GDAP2: variants seen among roughly 807,000 people sequenced by gnomAD.
The protein encoded by GDAP2 is ganglioside induced differentiation associated protein 2.
A neutral mutation model predicts 67.0 loss-of-function variants in GDAP2; 51 were observed. That is an observed-to-expected ratio of 0.76 (90% CI 0.61 to 0.96). GDAP2 has a LOEUF of 0.96. Ranked by LOEUF, GDAP2 falls within the 40% of genes least tolerant of loss-of-function variation. The pLI, the probability that GDAP2 is intolerant of heterozygous loss-of-function variation, is 0.00. For synonymous variants in GDAP2, 203 were observed against 207.3 expected, an observed-to-expected ratio of 0.98 and a Z score of 0.18; for missense variants, 547 against 588.3, an observed-to-expected ratio of 0.93 and a Z score of 0.73.
chr1:117,912,526 A>G lies in GDAP2; in HGVS notation c.470+4T>C, dbSNP rs1649893364. The G allele has an allele frequency of 2.5e-6, 4 of 1,612,000 alleles. No individual in the cohort carries two copies. In the East Asian group the frequency reaches 6.7e-5, roughly 27 times the overall value. ...GCTATGTCCAGAAAATGAGTAGACC[A>G]TACTTTGCTAGTTGAAGTACGTTTC... On this transcript the variant is annotated splice_donor_region_variant and intron_variant, in intron 4 of 13. Transcript: ENST00000369443.
In GDAP2 at chr1:117,878,096, G is replaced by A. The variant is rs745930587; in HGVS notation, c.1359C>T (p.His453=). ...ACAGCTGGTGGAGGCTGTCCACATG[G>A]TGGATTTTGTCCTTCAGTCCTGAGA... ...FSVSGLKDKI[H]HVDSLHQLFS... is the part of the protein sequence containing the mutation. Residue 453 remains histidine, a synonymous_variant, in exon 13 of 14, where the codon CAC becomes CAT. Transcript: ENST00000369443. The A allele has an allele frequency of 1.9e-6, 3 of 1,612,356 alleles. No individual in the cohort carries two copies. Among genetic ancestry groups the A allele is most frequent in the African/African-American group, 2.7e-5 (2 of 74,894 alleles).
chr1:117,864,339 A>G lies in GDAP2; in HGVS notation c.*6230T>C, dbSNP rs1647991682. Reference sequence around the variant, plus strand: ...GAACAGAGGCTGTTTTAATAGGGGAATGATGGATTCAGGCTAGATGAGGAC... The same window carrying G: ...GAACAGAGGCTGTTTTAATAGGGGAGTGATGGATTCAGGCTAGATGAGGAC... On this transcript the variant is annotated 3_prime_UTR_variant, in exon 14 of 14. Transcript: ENST00000369443. 6.6e-6 allele frequency: 1 copy of G among 152,214 alleles called. No individual in the cohort carries two copies. The highest frequency in any genetic ancestry group is 2.4e-5 in the African/African-American group (1 of 41,446). The allele number at this position is 152,214 out of a possible 1,614,324, so 9.4% of individuals were successfully genotyped here.
chr1:117,927,002 T>TA (rs11406734), intron 1 of GDAP2, among the ~76,000 whole-genome samples: 70,366 of 147,520 alleles, frequency 0.48, 16,579 homozygotes, highest in South Asian at 0.52. Context: ...AAGCCCTAGT[T>TA]AAAAAAAAAA....
intron 13 of GDAP2, among the ~76,000 whole-genome samples, chr1:117,872,045 C>T (rs1405130945): frequency 6.6e-6 from 1 of 152,012 alleles, no homozygotes; most frequent in African/African-American, 2.4e-5. Flanking sequence ...ACAGACACTT[C>T]TCAAAAAAAG....
intron 12 of GDAP2, among the ~76,000 whole-genome samples, chr1:117,878,651 A>G (rs1442190074): frequency 6.6e-6 from 1 of 152,212 alleles, no homozygotes; most frequent in East Asian, 1.9e-4. Context: ...TCTTTCTCGA[A>G]GTCCATCAAA....
At chr1:117,924,659 T>C (rs889322587) in intron 1 of GDAP2, among the ~76,000 whole-genome samples, 1 of 152,336 alleles carries the variant, frequency 6.6e-6, no homozygotes, top group African/African-American at 2.4e-5. Context: ...ATCATTTATA[T>C]AACAATTTCA....
In GDAP2 at chr1:117,899,064, A is replaced by C. The variant is rs1318429134; in HGVS notation, c.789T>G (p.Ala263=). Residue 263 remains alanine, a synonymous_variant, in exon 7 of 14, where the codon GCT becomes GCG. Transcript: ENST00000369443. ...RQIRISEKPG[A]PEDNQEEEDE... is the part of the protein sequence containing the mutation. ...TAGAGCTCTAGAACTCACCTTCTGG[A>C]GCACCAGGTTTCTCACTTATTCTAA... 1 of 1,613,228 alleles carries C rather than the reference A, an allele frequency of 6.2e-7. No homozygotes were observed. Among genetic ancestry groups the C allele is most frequent in the African/African-American group, 1.3e-5 (1 of 75,012 alleles).
chr1:117,880,351 G>C (rs1486379230), intron 12 of GDAP2, among the ~76,000 whole-genome samples: 3 of 152,172 alleles, frequency 2.0e-5, no homozygotes, highest in Non-Finnish European at 4.4e-5. Context: ...GCAGGTAACA[G>C]AGAGAGAGAA....
At chr1:117,895,152 T>G (rs1649224547) in intron 8 of GDAP2, among the ~76,000 whole-genome samples, 1 of 152,218 alleles carries the variant, frequency 6.6e-6, no homozygotes, top group African/African-American at 2.4e-5. Flanking sequence ...CAGTTTGAGA[T>G]TCTGCATTAC....
chr1:117,907,187 A>G (rs979605548), intron 5 of GDAP2, among the ~76,000 whole-genome samples: 10 of 152,166 alleles, frequency 6.6e-5, no homozygotes, highest in African/African-American at 2.4e-4. Flanking sequence ...TTCAGTTCTT[A>G]ACTCATTGGA....
intron 11 of GDAP2, 86 bp downstream of exon 11, chr1:117,883,402 A>C: frequency 1.0e-6 from 1 of 959,070 alleles, no homozygotes; most frequent in South Asian, 1.5e-5. Flanking sequence ...ATATCCTTTC[A>C]CAGAATACAA....
intron 3 of GDAP2, 126 bp downstream of exon 3, chr1:117,918,471 T>C (rs897657271): frequency 1.5e-6 from 1 of 664,356 alleles, no homozygotes; most frequent in Non-Finnish European, 2.6e-6. Context: ...GCAGTTTTTA[T>C]TTAGTTTTAA....
At chr1:117,904,521 T>C (rs1649591853) in intron 6 of GDAP2, among the ~76,000 whole-genome samples, 1 of 152,252 alleles carries the variant, frequency 6.6e-6, no homozygotes, top group Non-Finnish European at 1.5e-5. Context: ...CCTTTATTCA[T>C]AAATTATTCA....
At chr1:117,914,049 A>C (rs1295914104) in intron 3 of GDAP2, among the ~76,000 whole-genome samples, 1 of 152,146 alleles carries the variant, frequency 6.6e-6, no homozygotes, top group Non-Finnish European at 1.5e-5. Context: ...TGTTCTTCCT[A>C]AGCCATTCAG....
chr1:117,928,698 G>A (rs1490281681), intron 1 of GDAP2, among the ~76,000 whole-genome samples: 1 of 152,222 alleles, frequency 6.6e-6, no homozygotes, highest in Non-Finnish European at 1.5e-5. Context: ...ATCAGATAAT[G>A]TAGACAAAAG....
chr1:117,889,345 TTC>T (rs1383997399), intron 8 of GDAP2, among the ~76,000 whole-genome samples: 1 of 152,074 alleles, frequency 6.6e-6, no homozygotes, highest in East Asian at 1.9e-4. Context: ...TTAAAATGTA[TTC>T]TTTTATCAAT....
chr1:117,878,168 G>A lies in GDAP2; in HGVS notation c.1303-16C>T. 3 of 1,399,834 alleles carry A rather than the reference G, an allele frequency of 2.1e-6. No individual in the cohort carries two copies. Among genetic ancestry groups the A allele is most frequent in the African/African-American group, 1.4e-5 (1 of 69,306 alleles). The allele number at this position is 1,399,834 out of a possible 1,614,324, so 86.7% of individuals were successfully genotyped here. ...ATGTTGACACCTGATTAATAGAAGA[G>A]AAAAAATAATTTAAGCTAGTTGCCA... On this transcript the variant is annotated splice_polypyrimidine_tract_variant and intron_variant, in intron 12 of 13. Coordinates refer to ENST00000369443, the MANE Select transcript of GDAP2 (RefSeq NM_017686.4).
chr1:117,870,694 A>G, intron 13 of GDAP2, 78 bp from the exon 14 acceptor site: 1 of 968,206 alleles, frequency 1.0e-6, no homozygotes, highest in Non-Finnish European at 1.7e-6. Flanking sequence ...AGGGATTTAC[A>G]GTCATTGAGG....
chr1:117,897,247 A>T (rs569814999), intron 7 of GDAP2, among the ~76,000 whole-genome samples: 1 of 152,358 alleles, frequency 6.6e-6, no homozygotes, highest in East Asian at 1.9e-4. Flanking sequence ...TAGGAAGAAA[A>T]GAGTAGAATG....
Sources: gnomAD v4.1 joint callset for allele counts (sites outside exome capture counted in the v4.1 genomes callset) on GRCh38, gnomAD v4.1.1 for gene constraint, MANE v1.5 for transcripts, NCBI Gene and HGNC (gene_info 2026-07-23, HGNC 2026-07-21) for gene names.